The following NRG1 variants were observed in gnomAD, a reference collection of about 807,000 sequenced individuals.
The protein encoded by NRG1 is neuregulin 1.
In NRG1, 18 loss-of-function variants were observed where a neutral mutation model predicts 63.8. That is an observed-to-expected ratio of 0.28 (90% CI 0.19 to 0.42). The LOEUF is 0.42. NRG1 is among the 10% of genes least tolerant of loss of function. NRG1 has a pLI of 1.00. For synonymous variants in NRG1, 302 were observed against 301.3 expected (o/e 1.00, Z -0.02); for missense variants, 762 against 814.7 (o/e 0.94, Z 0.79).
chr8:32,724,529 G>GA (rs955559671), intron 5 of NRG1, among the ~76,000 whole-genome samples: 1 of 152,240 alleles, frequency 6.6e-6, no homozygotes, highest in East Asian at 1.9e-4. Context: ...ACGGCACAGA[G>GA]AAAAAATATC....
At chr8:32,347,061 C>T (rs1406869917) in intron 1 of NRG1, among the ~76,000 whole-genome samples, 2 of 152,000 alleles carry the variant, frequency 1.3e-5, no homozygotes, top group African/African-American at 2.4e-5. Context: ...GATCTCCTGA[C>T]CTCGTGATCC....
intron 1 of NRG1, among the ~76,000 whole-genome samples, chr8:31,868,633 G>T (rs887594284): frequency 6.6e-6 from 1 of 152,016 alleles, no homozygotes; most frequent in East Asian, 1.9e-4. Context: ...AAATGTATTC[G>T]CTCTTCTTTA....
chr8:32,209,066 T>A (rs1414860994), intron 1 of NRG1, among the ~76,000 whole-genome samples: 1 of 152,134 alleles, frequency 6.6e-6, no homozygotes, highest in Non-Finnish European at 1.5e-5. Flanking sequence ...CAATATAATT[T>A]CAGGAAATAA....
intron 1 of NRG1, among the ~76,000 whole-genome samples, chr8:32,455,036 A>G (rs1409444561): frequency 6.6e-6 from 1 of 152,218 alleles, no homozygotes. Context: ...AGGTTATACC[A>G]TATAGCCAAG....
chr8:31,977,817 C>T (rs1036263272), intron 1 of NRG1, among the ~76,000 whole-genome samples: 2 of 151,864 alleles, frequency 1.3e-5, no homozygotes, highest in Non-Finnish European at 2.9e-5. Context: ...TGTGTAGGGA[C>T]CATTTCTTCA....
intron 1 of NRG1, among the ~76,000 whole-genome samples, chr8:31,869,141 C>G (rs372152927): frequency 6.6e-6 from 1 of 152,124 alleles, no homozygotes. Flanking sequence ...TTGGGTCTCT[C>G]TTAGATGTTT....
At chr8:32,433,552 C>T (rs1363831433) in intron 1 of NRG1, among the ~76,000 whole-genome samples, 2 of 152,122 alleles carry the variant, frequency 1.3e-5, no homozygotes, top group Non-Finnish European at 2.9e-5. Context: ...GCTGTGATTT[C>T]TCAATTCCAC....
At chr8:32,224,646 T>C (rs1260783376) in intron 1 of NRG1, among the ~76,000 whole-genome samples, 1 of 152,120 alleles carries the variant, frequency 6.6e-6, no homozygotes, top group African/African-American at 2.4e-5. Context: ...GTGCAAATAA[T>C]CCAGAAGTCT....
intron 1 of NRG1, among the ~76,000 whole-genome samples, chr8:32,324,922 G>A (rs572333394): frequency 1.3e-5 from 2 of 152,250 alleles, no homozygotes; most frequent in East Asian, 3.9e-4. Context: ...CCTCATTAAT[G>A]TCAACTGTAA....
chr8:32,411,046 T>G (rs1814865336), intron 1 of NRG1, among the ~76,000 whole-genome samples: 1 of 152,128 alleles, frequency 6.6e-6, no homozygotes, highest in East Asian at 1.9e-4. Context: ...CAGCTAATTT[T>G]TGTGTTTGTA....
chr8:31,679,808 C>G (rs893497054), intron 1 of NRG1, among the ~76,000 whole-genome samples: 2 of 152,062 alleles, frequency 1.3e-5, no homozygotes, highest in African/African-American at 4.8e-5. Context: ...TGCATAGTAA[C>G]CATCCCAAAA....
At chr8:32,411,623 A>G (rs529523173) in intron 1 of NRG1, among the ~76,000 whole-genome samples, 2 of 152,354 alleles carry the variant, frequency 1.3e-5, no homozygotes, top group Non-Finnish European at 1.5e-5. Flanking sequence ...GGCTTACTAT[A>G]TGCTAAGCTA....
chr8:32,356,789 T>C (rs1298638751), intron 1 of NRG1, among the ~76,000 whole-genome samples: 1 of 152,168 alleles, frequency 6.6e-6, no homozygotes, highest in Admixed American at 6.6e-5. Flanking sequence ...CCCATTGATC[T>C]CATTTGTCTT....
At chr8:31,766,796 T>C (rs145938051) in intron 1 of NRG1, among the ~76,000 whole-genome samples, 7 of 152,334 alleles carry the variant, frequency 4.6e-5, no homozygotes, top group African/African-American at 1.7e-4. Flanking sequence ...AATATATTTA[T>C]GTTTATTTTA....
intron 1 of NRG1, among the ~76,000 whole-genome samples, chr8:32,187,167 A>T (rs1421836261): frequency 6.6e-6 from 1 of 152,208 alleles, no homozygotes; most frequent in Non-Finnish European, 1.5e-5. Flanking sequence ...GTTGAATATT[A>T]AATGTCACTT....
intron 1 of NRG1, among the ~76,000 whole-genome samples, chr8:32,283,036 G>A (rs1459746450): frequency 6.6e-6 from 1 of 151,990 alleles, no homozygotes; most frequent in African/African-American, 2.4e-5. Flanking sequence ...TCTTAGAATT[G>A]AGTCCTTAGA....
intron 7 of NRG1, among the ~76,000 whole-genome samples, chr8:32,753,703 C>T (rs16879922): frequency 0.15 from 22,346 of 152,178 alleles, 2,240 homozygotes; most frequent in East Asian, 0.42. Context: ...TATTGTATTG[C>T]TTCTTGTGTT....
intron 1 of NRG1, chr8:32,440,781 T>C (rs1378633376): frequency 1.3e-5 from 2 of 152,184 alleles, no homozygotes; most frequent in African/African-American, 2.4e-5. Context: ...TTCACCAACA[T>C]GTATGCCATC....
At chr8:31,769,315 G>A (rs1485580201) in intron 1 of NRG1, among the ~76,000 whole-genome samples, 1 of 152,142 alleles carries the variant, frequency 6.6e-6, no homozygotes, top group African/African-American at 2.4e-5. Context: ...GAGAGCTCTA[G>A]CTAAAGCTCA....
Sources: gnomAD v4.1 joint callset for allele counts (sites outside exome capture counted in the v4.1 genomes callset) on GRCh38, gnomAD v4.1.1 for gene constraint, MANE v1.5 for transcripts, NCBI Gene and HGNC (gene_info 2026-07-23, HGNC 2026-07-21) for gene names.